The following SGCZ variants were observed in gnomAD, a reference collection of about 807,000 sequenced individuals.
SGCZ encodes the protein sarcoglycan zeta.
A neutral mutation model predicts 41.3 loss-of-function variants in SGCZ; 40 were observed. The observed-to-expected ratio is 0.97, with a 90% CI of 0.75 to 1.26. The LOEUF (loss-of-function observed/expected upper bound fraction) is 1.26, where lower values mean the gene tolerates loss of function less well. Ranked by LOEUF, SGCZ falls within the 50% of genes most tolerant of loss-of-function variation. The pLI, the probability that SGCZ is intolerant of heterozygous loss-of-function variation, is 0.00. For missense variants in SGCZ, 552 were observed against 369.8 expected (o/e 1.49, Z -4.04); for synonymous variants, 206 against 137.5 (o/e 1.50, Z -3.49).
At chr8:14,373,433 G>A (rs750941621) in intron 2 of SGCZ, among the ~76,000 whole-genome samples, 2 of 152,040 alleles carry the variant, frequency 1.3e-5, no homozygotes, top group Non-Finnish European at 2.9e-5. Flanking sequence ...ACCATAAATG[G>A]CATTTTAAGG....
At chr8:14,699,511 A>G (rs1809068531) in intron 1 of SGCZ, among the ~76,000 whole-genome samples, 1 of 151,926 alleles carries the variant, frequency 6.6e-6, no homozygotes, top group African/African-American at 2.4e-5. Flanking sequence ...AACTATAAAA[A>G]CTATAGAAGA....
At chr8:14,713,501 C>A (rs1809588093) in intron 1 of SGCZ, among the ~76,000 whole-genome samples, 1 of 152,134 alleles carries the variant, frequency 6.6e-6, no homozygotes, top group East Asian at 1.9e-4. Flanking sequence ...ATAAAACTGA[C>A]CAACTGACTC....
chr8:15,020,933 G>A (rs1395982883), intron 1 of SGCZ, among the ~76,000 whole-genome samples: 2 of 152,102 alleles, frequency 1.3e-5, no homozygotes, highest in African/African-American at 4.8e-5. Flanking sequence ...AGTGGATTAG[G>A]AAATGAATCT....
intron 1 of SGCZ, among the ~76,000 whole-genome samples, chr8:15,093,838 T>C (rs1276786619): frequency 1.3e-5 from 2 of 152,172 alleles, no homozygotes; most frequent in Admixed American, 1.3e-4. Context: ...CTACAGATGC[T>C]CCATCTTTTT....
chr8:14,159,137 A>G (rs1375761673), intron 5 of SGCZ, among the ~76,000 whole-genome samples: 1 of 152,070 alleles, frequency 6.6e-6, no homozygotes, highest in African/African-American at 2.4e-5. Context: ...GGCAGGATAA[A>G]TTATGAGATT....
At chr8:14,522,056 G>C (rs1395788677) in intron 2 of SGCZ, among the ~76,000 whole-genome samples, 2 of 152,006 alleles carry the variant, frequency 1.3e-5, no homozygotes, top group Admixed American at 6.6e-5. Flanking sequence ...CAGTTAACCT[G>C]GTAGGTTACA....
At chr8:14,787,221 G>A (rs1027599141) in intron 1 of SGCZ, among the ~76,000 whole-genome samples, 6 of 152,168 alleles carry the variant, frequency 3.9e-5, no homozygotes, top group South Asian at 4.2e-4. Flanking sequence ...AGAAGAAGCC[G>A]AAGACTTCGG....
At chr8:14,551,491 A>ATATATAATATATAG (rs1803825037) in intron 2 of SGCZ, among the ~76,000 whole-genome samples, 1 of 3,708 alleles carries the variant, frequency 2.7e-4, no homozygotes, top group African/African-American at 1.0e-3. Context: ...TATATATATT[A>ATATATAATATATAG]TATATATTAT....
At chr8:14,370,726 C>G (rs1010015979) in intron 2 of SGCZ, among the ~76,000 whole-genome samples, 1 of 151,852 alleles carries the variant, frequency 6.6e-6, no homozygotes, top group Admixed American at 6.6e-5. Context: ...TTTTTTCTGT[C>G]TAATGAGTAA....
intron 1 of SGCZ, among the ~76,000 whole-genome samples, chr8:14,692,031 C>A (rs1305060390): frequency 6.6e-6 from 1 of 151,792 alleles, no homozygotes; most frequent in East Asian, 1.9e-4. Context: ...ATAATAATTT[C>A]TAATTTTATT....
intron 3 of SGCZ, among the ~76,000 whole-genome samples, chr8:14,310,770 C>A (rs1485852760): frequency 6.6e-6 from 1 of 152,026 alleles, no homozygotes; most frequent in East Asian, 1.9e-4. Context: ...TGTATTATGT[C>A]TTCTTTTGTG....
chr8:14,259,344 G>C (rs969832236), intron 3 of SGCZ, among the ~76,000 whole-genome samples: 4 of 151,766 alleles, frequency 2.6e-5, no homozygotes, highest in Non-Finnish European at 5.9e-5. Flanking sequence ...TTTGTCTTTT[G>C]TTGCCATTGC....
intron 1 of SGCZ, among the ~76,000 whole-genome samples, chr8:14,857,826 A>G (rs946191979): frequency 6.6e-6 from 1 of 152,184 alleles, no homozygotes; most frequent in Non-Finnish European, 1.5e-5. Context: ...AGACTACCCC[A>G]GTGCACTCCA....
chr8:14,722,507 A>C (rs1226102959), intron 1 of SGCZ, among the ~76,000 whole-genome samples: 1 of 152,096 alleles, frequency 6.6e-6, no homozygotes, highest in African/African-American at 2.4e-5. Flanking sequence ...ACATACTTTT[A>C]TGTATGTATT....
At chr8:14,656,396 T>A in intron 1 of SGCZ, among the ~76,000 whole-genome samples, 1 of 140,398 alleles carries the variant, frequency 7.1e-6, no homozygotes, top group Non-Finnish European at 1.6e-5. Context: ...TTTCTCCCTT[T>A]CTCTTTCCTC....
intron 1 of SGCZ, among the ~76,000 whole-genome samples, chr8:14,636,508 G>A (rs1406052272): frequency 6.6e-6 from 1 of 151,840 alleles, no homozygotes; most frequent in Non-Finnish European, 1.5e-5. Flanking sequence ...AGTAAATGAA[G>A]AGGCAATAGA....
intron 1 of SGCZ, among the ~76,000 whole-genome samples, chr8:15,163,965 G>A (rs1251993183): frequency 6.6e-6 from 1 of 152,226 alleles, no homozygotes; most frequent in Non-Finnish European, 1.5e-5. Context: ...ACAGGGGAAG[G>A]AGGCTGGCCT....
At chr8:14,418,093 A>G (rs1799545078) in intron 2 of SGCZ, among the ~76,000 whole-genome samples, 1 of 151,922 alleles carries the variant, frequency 6.6e-6, no homozygotes, top group Non-Finnish European at 1.5e-5. Context: ...TTCAAGGTGA[A>G]TGAGTAAAGA....
chr8:15,212,174 T>A (rs1459454909), intron 1 of SGCZ, among the ~76,000 whole-genome samples: 1 of 152,172 alleles, frequency 6.6e-6, no homozygotes, highest in East Asian at 1.9e-4. Flanking sequence ...AGGTTTCCTG[T>A]TCTCAAGGAG....
Sources: gnomAD v4.1 joint callset for allele counts (sites outside exome capture counted in the v4.1 genomes callset) on GRCh38, gnomAD v4.1.1 for gene constraint, MANE v1.5 for transcripts, NCBI Gene and HGNC (gene_info 2026-07-23, HGNC 2026-07-21) for gene names.